The following MYO19 variants were observed in gnomAD, a reference collection of about 807,000 sequenced individuals.
MYO19 encodes myosin XIX.
In MYO19, 132 loss-of-function variants were observed where a neutral mutation model predicts 129.2. That is an observed-to-expected ratio of 1.02 (90% CI 0.89 to 1.18). MYO19 has a LOEUF of 1.18. Ranked by LOEUF, MYO19 falls within the 50% of genes most tolerant of loss-of-function variation. The probability of loss-of-function intolerance (pLI) is 0.00; values close to 1 mark genes in which losing one functional copy is unlikely to be tolerated. For missense variants in MYO19, 1,210 were observed against 1,216.7 expected, an observed-to-expected ratio of 0.99 and a Z score of 0.08; for synonymous variants, 531 against 477.2, an observed-to-expected ratio of 1.11 and a Z score of -1.47.
chr17:36,533,502 C>G (rs1046923203), intron 2 of MYO19: 2 of 152,164 alleles, frequency 1.3e-5, no homozygotes, highest in Non-Finnish European at 2.9e-5. Context: ...AGAGATGAGG[C>G]TGAGGGTGAA....
chr17:36,532,164 A>C (rs907253635), intron 3 of MYO19, among the ~76,000 whole-genome samples: 2 of 152,096 alleles, frequency 1.3e-5, no homozygotes, highest in African/African-American at 4.8e-5. Flanking sequence ...AATTCTTTCT[A>C]GTTCTTTAAG....
chr17:36,543,818 G>C (rs1245509873), upstream of MYO19, among the ~76,000 whole-genome samples: 1 of 151,888 alleles, frequency 6.6e-6, no homozygotes, highest in Non-Finnish European at 1.5e-5. Context: ...AGAGACGGGG[G>C]TTTCATCATA....
chr17:36,505,106 A>T (rs985194442), intron 19 of MYO19, 191 bp downstream of exon 19: 7 of 763,404 alleles, frequency 9.2e-6, no homozygotes, highest in Admixed American at 1.7e-5. Context: ...CTAGGCTACT[A>T]TGCACAGACC....
intron 21 of MYO19, among the ~76,000 whole-genome samples, chr17:36,502,389 C>G (rs928174169): frequency 6.6e-6 from 1 of 152,202 alleles, no homozygotes; most frequent in East Asian, 1.9e-4. Flanking sequence ...TCTTGCTTTT[C>G]CTCACTTCCC....
At chr17:36,516,220 C>T (rs144045944) in intron 6 of MYO19, among the ~76,000 whole-genome samples, 61 of 151,212 alleles carry the variant, frequency 4.0e-4, no homozygotes, top group Non-Finnish European at 6.3e-4. Flanking sequence ...ACTGAGCTAT[C>T]GAGGCTTTCT....
intron 6 of MYO19, among the ~76,000 whole-genome samples, chr17:36,516,878 T>C (rs1447593315): frequency 6.6e-6 from 1 of 152,224 alleles, no homozygotes; most frequent in Non-Finnish European, 1.5e-5. Context: ...GATTTTTCTT[T>C]GGGATCAGAG....
intron 2 of MYO19, 145 bp downstream of exon 2, chr17:36,533,808 C>G (rs900033645): frequency 1.3e-5 from 2 of 152,250 alleles, no homozygotes; most frequent in Admixed American, 6.5e-5. Context: ...AGGGGCAGCA[C>G]AACAGGTTTG....
rs775493981 is a variant in MYO19 at position 36,498,355 on chromosome 17, G to A, written c.2668C>T (p.Leu890Phe). 3.1e-6 allele frequency: 5 copies of A among 1,614,044 alleles called. No individual in the cohort carries two copies. The Admixed American group carries it at 8.3e-5, about 27-fold the overall frequency. Residue 890 changes from leucine (L) to phenylalanine (F), a missense_variant, in exon 25 of 26, where the codon CTC (leucine) becomes TTC (phenylalanine). Leu to Phe is a conservative substitution (Grantham distance 22, BLOSUM62 0). Coordinates refer to ENST00000614623, the MANE Select transcript of MYO19 (RefSeq NM_001163735.2). ...FQRKLVVWAC[L>F]QLPRGSPSSY... is the part of the protein sequence containing the mutation. ...CTGGGGCTGCCCCTGGGGAGCTGGA[G>A]GCAAGCCCAGACCACTAATTTCCTC...
intron 3 of MYO19, among the ~76,000 whole-genome samples, chr17:36,528,706 T>A (rs1195506850): frequency 2.6e-5 from 4 of 152,110 alleles, no homozygotes; most frequent in African/African-American, 9.7e-5. Context: ...ACAGTTTGTT[T>A]ATTCGTAAAT....
chr17:36,515,819 A>T (rs2072707366), intron 7 of MYO19, 39 bp downstream of exon 7: 1 of 1,579,162 alleles, frequency 6.3e-7, no homozygotes, highest in South Asian at 1.1e-5. Context: ...TCCCAGAGGA[A>T]ATGGGACTGA....
At chr17:36,538,443 C>G, upstream of MYO19, 1 of 1,614,112 alleles carries the variant, frequency 6.2e-7, no homozygotes, top group Non-Finnish European at 8.5e-7. Flanking sequence ...AAACAGAAAA[C>G]AGTTAATATT....
chr17:36,536,798 A>C (rs982024745), upstream of MYO19, among the ~76,000 whole-genome samples: 2 of 152,158 alleles, frequency 1.3e-5, no homozygotes, highest in Non-Finnish European at 2.9e-5. Context: ...TACAGGTGTG[A>C]GCCACCACGC....
In MYO19 at chr17:36,513,647, G is replaced by A. The variant is rs372878307; in HGVS notation, c.799C>T (p.Pro267Ser). The A allele has an allele frequency of 3.1e-6, 5 of 1,614,002 alleles. No individual in the cohort carries two copies. The highest frequency in any genetic ancestry group is 2.2e-5 in the East Asian group (1 of 44,872). ...EGAAFSWLPN[P>S]ERSLEEDCFE... Reference sequence around the variant, plus strand: ...CCCTTACCTTCTAAGCTCCTCTCTGGGTTGGGCAGCCAGGAGAAGGCAGCT... The same window carrying A: ...CCCTTACCTTCTAAGCTCCTCTCTGAGTTGGGCAGCCAGGAGAAGGCAGCT... The change falls in exon 10 of 26, where the codon CCA becomes TCA. Residue 267 changes from proline (P) to serine (S), a missense_variant. Pro to Ser is a moderately conservative substitution (Grantham distance 74). Transcript: ENST00000614623.
At chr17:36,512,899 A>G in intron 11 of MYO19, 7 of 1,030,626 alleles carry the variant, frequency 6.8e-6, no homozygotes, top group Non-Finnish European at 8.8e-6. Context: ...GTTCCAGAGG[A>G]CGACGGGGCA....
intron 8 of MYO19, among the ~76,000 whole-genome samples, 162 bp downstream of exon 8, chr17:36,514,951 G>A (rs2072637289): frequency 6.6e-6 from 1 of 152,134 alleles, no homozygotes; most frequent in African/African-American, 2.4e-5. Flanking sequence ...TAGTTCTCCA[G>A]GTGCAAAGAT....
At chr17:36,510,513 G>A (rs1014175035) in intron 13 of MYO19, among the ~76,000 whole-genome samples, 1 of 152,178 alleles carries the variant, frequency 6.6e-6, no homozygotes, top group African/African-American at 2.4e-5. Flanking sequence ...GCTGAATTCT[G>A]GCCAGGAATG....
rs749889504 is a variant in MYO19, at chr17:36,528,217, G to C, written c.13-15C>G. ...TGGCCATTGACCTGGAAGAGATAAC[G>C]TGAAGGTGAGGCCAGGCACAGTGGC... On this transcript the variant is annotated splice_polypyrimidine_tract_variant and intron_variant, in intron 3 of 25. Transcript: ENST00000614623. The C allele has an allele frequency of 1.7e-5, 27 of 1,557,960 alleles. No individual in the cohort carries two copies. Among genetic ancestry groups the C allele is most frequent in the Non-Finnish European group, 2.1e-5 (24 of 1,150,468 alleles).
At chr17:36,500,335 A>T (rs1018265375) in intron 23 of MYO19, 20 of 154,934 alleles carry the variant, frequency 1.3e-4, no homozygotes, top group African/African-American at 4.8e-4. Context: ...CCAGTCCATC[A>T]TTTGGCCATG....
rs934133473 is a variant in MYO19 at position 36,500,846 on chromosome 17, G to A, written c.2361C>T (p.Val787=). 1.3e-6 allele frequency: 2 copies of A among 1,598,130 alleles called. No individual in the cohort carries two copies. The highest frequency in any genetic ancestry group is 2.7e-5 in the African/African-American group (2 of 74,732). Reference sequence around the variant, plus strand: ...CCCACCTACCTGCCTGGATGAGCATGACGGCCCGCCACTGCCGCTCCTGCT... The same window carrying A: ...CCCACCTACCTGCCTGGATGAGCATAACGGCCCGCCACTGCCGCTCCTGCT... ...HREQERQWRA[V]MLIQAAIRSW... Residue 787 remains valine, a synonymous_variant, in exon 23 of 26, where the codon GTC becomes GTT. Transcript: ENST00000614623.
Sources: gnomAD v4.1 joint callset for allele counts (sites outside exome capture counted in the v4.1 genomes callset) on GRCh38, gnomAD v4.1.1 for gene constraint, MANE v1.5 for transcripts, NCBI Gene and HGNC (gene_info 2026-07-23, HGNC 2026-07-21) for gene names.